RBFOX1: variants seen among roughly 807,000 people sequenced by gnomAD.
RBFOX1 encodes RNA binding protein fox-1 homolog 1.
RBFOX1 carries 8 observed loss-of-function variants against 57.7 expected under a neutral mutation model. The ratio of observed to expected loss-of-function variants is 0.14; its 90% CI spans 0.08 to 0.25. The LOEUF (loss-of-function observed/expected upper bound fraction) is 0.25, where lower values mean the gene tolerates loss of function less well. RBFOX1 is among the 10% of genes least tolerant of loss of function. RBFOX1 has a pLI of 1.00. For synonymous variants in RBFOX1, 326 were observed against 222.4 expected, an observed-to-expected ratio of 1.47 and a Z score of -4.15; for missense variants, 611 against 548.5, an observed-to-expected ratio of 1.11 and a Z score of -1.14.
At chr16:6,169,836 C>G (rs1247003895) in intron 1 of RBFOX1, among the ~76,000 whole-genome samples, 1 of 113,428 alleles carries the variant, frequency 8.8e-6, no homozygotes, top group African/African-American at 3.0e-5. Flanking sequence ...GCAATCTCAG[C>G]TCACTGCAAC....
At chr16:5,431,173 G>C (rs2067721672) in intron 1 of RBFOX1, among the ~76,000 whole-genome samples, 1 of 152,210 alleles carries the variant, frequency 6.6e-6, no homozygotes, top group Non-Finnish European at 1.5e-5. Flanking sequence ...TTGGTGTCCT[G>C]ATGACTTGGA....
At chr16:6,619,241 C>G (rs760444960) in intron 2 of RBFOX1, among the ~76,000 whole-genome samples, 2 of 152,030 alleles carry the variant, frequency 1.3e-5, no homozygotes, top group African/African-American at 4.8e-5. Flanking sequence ...TGGGCTAACA[C>G]TGTTGTTGCC....
At chr16:7,203,886 C>T (rs942848710) in intron 4 of RBFOX1, among the ~76,000 whole-genome samples, 3 of 152,230 alleles carry the variant, frequency 2.0e-5, no homozygotes, top group African/African-American at 7.2e-5. Context: ...TCAGAAGGGG[C>T]TGAAGTCAGA....
At chr16:6,073,044 C>T (rs73523835) in intron 1 of RBFOX1, among the ~76,000 whole-genome samples, 3,150 of 152,292 alleles carry the variant, frequency 0.021, 109 homozygotes, top group African/African-American at 0.072. Context: ...GGACATATCT[C>T]AGACACATTT....
intron 2 of RBFOX1, among the ~76,000 whole-genome samples, chr16:6,445,406 A>T (rs2094464231): frequency 6.6e-6 from 1 of 151,994 alleles, no homozygotes; most frequent in African/African-American, 2.4e-5. Flanking sequence ...GCTCAGAGAA[A>T]AACTCTCTCA....
intron 3 of RBFOX1, among the ~76,000 whole-genome samples, chr16:6,924,173 A>AATC (rs1263608260): frequency 1.3e-5 from 2 of 150,550 alleles, no homozygotes; most frequent in African/African-American, 4.9e-5. Flanking sequence ...TCTCAAAAAT[A>AATC]ATAATAATAA....
intron 4 of RBFOX1, among the ~76,000 whole-genome samples, chr16:7,209,575 C>A (rs562481262): frequency 6.6e-6 from 1 of 152,166 alleles, no homozygotes; most frequent in African/African-American, 2.4e-5. Context: ...AAGAGGCCAA[C>A]CCTCACCTTC....
intron 2 of RBFOX1, among the ~76,000 whole-genome samples, chr16:6,648,830 A>G (rs1283140553): frequency 5.3e-5 from 8 of 152,154 alleles, no homozygotes; most frequent in African/African-American, 1.4e-4. Flanking sequence ...TTCTTTGCTT[A>G]TTTATGTAAA....
intron 4 of RBFOX1, among the ~76,000 whole-genome samples, chr16:7,474,928 C>T (rs1022340705): frequency 1.3e-5 from 2 of 152,236 alleles, no homozygotes; most frequent in East Asian, 1.9e-4. Flanking sequence ...TTATGGAGTG[C>T]CTGTGTTGGT....
chr16:6,736,385 C>G (rs2070312217), intron 3 of RBFOX1, among the ~76,000 whole-genome samples: 1 of 152,142 alleles, frequency 6.6e-6, no homozygotes, highest in East Asian at 1.9e-4. Flanking sequence ...TTAGCTCCCA[C>G]ATATCAGTGA....
chr16:6,100,830 G>C (rs1013823133), intron 1 of RBFOX1, among the ~76,000 whole-genome samples: 24 of 152,264 alleles, frequency 1.6e-4, no homozygotes, highest in African/African-American at 5.5e-4. Context: ...ACCAAAGCCT[G>C]TACTGTTACC....
At chr16:6,823,801 G>A (rs1285459983) in intron 3 of RBFOX1, among the ~76,000 whole-genome samples, 1 of 152,132 alleles carries the variant, frequency 6.6e-6, no homozygotes, top group Admixed American at 6.5e-5. Flanking sequence ...AATAATAGGA[G>A]ATTCCTACCT....
chr16:6,423,789 C>A (rs967910789), intron 2 of RBFOX1, among the ~76,000 whole-genome samples: 2 of 151,876 alleles, frequency 1.3e-5, no homozygotes, highest in African/African-American at 4.8e-5. Flanking sequence ...CACTGCAGGC[C>A]CAGGAAGGCC....
chr16:6,315,386 G>GGATGGA (rs1567918579), intron 1 of RBFOX1, among the ~76,000 whole-genome samples: 7 of 88,898 alleles, frequency 7.9e-5, no homozygotes, highest in Non-Finnish European at 2.0e-4. Context: ...GGATGGATGG[G>GGATGGA]TGGATGGATC....
chr16:5,539,556 G>C (rs1222482509), intron 2 of RBFOX1, among the ~76,000 whole-genome samples: 1 of 151,812 alleles, frequency 6.6e-6, no homozygotes, highest in Non-Finnish European at 1.5e-5. Flanking sequence ...AGCCAAGATC[G>C]TACCACTGCA....
At chr16:6,232,823 G>A (rs1460306996) in intron 1 of RBFOX1, among the ~76,000 whole-genome samples, 2 of 152,156 alleles carry the variant, frequency 1.3e-5, no homozygotes, top group African/African-American at 2.4e-5. Flanking sequence ...TGCTGGTGAA[G>A]CTGGGTCCCT....
At chr16:5,351,100 G>A (rs2065252857) in intron 1 of RBFOX1, among the ~76,000 whole-genome samples, 1 of 152,188 alleles carries the variant, frequency 6.6e-6, no homozygotes, top group Non-Finnish European at 1.5e-5. Context: ...ATAGGTCTAA[G>A]CCTTGTTAAG....
At position 6,416,456 on chromosome 16, in the gene RBFOX1, T is replaced by C. The variant is rs147439361; in HGVS notation, c.-64+99399T>C. ...TCTCCCCTCTAATTCCTTCCCTCCC[T>C]GCCTCCTCCTTCTCCTTGTCTTGTT... is the stretch of plus-strand genomic sequence containing the variant. On this transcript the variant is annotated intron_variant, in intron 2 of 15. Coordinates refer to ENST00000550418, the MANE Select transcript of RBFOX1 (RefSeq NM_018723.4). Among the ~76,000 whole-genome samples the C allele has an allele frequency of 4.6e-3, 703 of 152,272 alleles. 4 individuals carry two copies. The highest frequency in any genetic ancestry group is 0.015 in the African/African-American group (615 of 41,562).
intron 2 of RBFOX1, among the ~76,000 whole-genome samples, chr16:6,573,153 A>G (rs960117757): frequency 3.9e-5 from 6 of 152,138 alleles, no homozygotes; most frequent in African/African-American, 1.4e-4. Flanking sequence ...GGGTTTCACC[A>G]CTACCAGAGA....
Sources: gnomAD v4.1 joint callset for allele counts (sites outside exome capture counted in the v4.1 genomes callset) on GRCh38, gnomAD v4.1.1 for gene constraint, MANE v1.5 for transcripts, NCBI Gene and HGNC (gene_info 2026-07-23, HGNC 2026-07-21) for gene names.